The following SNX29 variants were observed in gnomAD, a reference collection of about 807,000 sequenced individuals.
SNX29 encodes sorting nexin 29.
Under a neutral mutation model 102.1 loss-of-function variants are expected in SNX29, and 78 were observed. The observed-to-expected ratio is 0.76, with a 90% CI of 0.64 to 0.92. The LOEUF is 0.92. Among genes scored for constraint, SNX29 ranks in the 40% least tolerant of loss-of-function variants. The probability of loss-of-function intolerance (pLI) is 0.00; values close to 1 mark genes in which losing one functional copy is unlikely to be tolerated. For synonymous variants in SNX29, 580 were observed against 414.5 expected, an observed-to-expected ratio of 1.40 and a Z score of -4.85; for missense variants, 1,280 against 1,061.7, an observed-to-expected ratio of 1.21 and a Z score of -2.86.
intron 19 of SNX29, among the ~76,000 whole-genome samples, chr16:12,517,325 C>G (rs1011284189): frequency 3.9e-5 from 6 of 152,200 alleles, no homozygotes; most frequent in African/African-American, 1.4e-4. Context: ...CTCAGGGGGT[C>G]AGGGCCCTTC....
intron 1 of SNX29, among the ~76,000 whole-genome samples, chr16:11,986,361 T>C (rs1378122404): frequency 7.6e-6 from 1 of 132,130 alleles, no homozygotes; most frequent in Non-Finnish European, 1.6e-5. Context: ...ATCTGCTCTT[T>C]CCTCCTACAA....
intron 15 of SNX29, among the ~76,000 whole-genome samples, chr16:12,296,399 A>G (rs1025372796): frequency 1.3e-5 from 2 of 152,106 alleles, no homozygotes; most frequent in Admixed American, 6.5e-5. Context: ...ATTTCCTACA[A>G]TTTTTTTGAC....
intron 14 of SNX29, among the ~76,000 whole-genome samples, chr16:12,271,359 G>C (rs910198332): frequency 6.6e-6 from 1 of 152,182 alleles, no homozygotes; most frequent in Non-Finnish European, 1.5e-5. Flanking sequence ...CTTGCCATGA[G>C]GTTCTCTCCG....
intron 11 of SNX29, among the ~76,000 whole-genome samples, chr16:12,091,029 A>G (rs1382772899): frequency 7.4e-6 from 1 of 135,226 alleles, no homozygotes; most frequent in Non-Finnish European, 1.6e-5. Flanking sequence ...AAAAAAAAAA[A>G]AAAAAAAAAG....
chr16:12,460,591 C>T (rs1208441004), intron 18 of SNX29, among the ~76,000 whole-genome samples: 1 of 152,072 alleles, frequency 6.6e-6, no homozygotes, highest in Non-Finnish European at 1.5e-5. Flanking sequence ...CATCCCTATG[C>T]CATAACACTT....
chr16:12,449,848 G>A (rs1425192255), intron 18 of SNX29, among the ~76,000 whole-genome samples: 2 of 152,184 alleles, frequency 1.3e-5, no homozygotes, highest in Non-Finnish European at 2.9e-5. Flanking sequence ...GACAACAGCT[G>A]TACATTTGAC....
intron 17 of SNX29, among the ~76,000 whole-genome samples, chr16:12,400,800 G>T (rs900019336): frequency 6.6e-6 from 1 of 151,970 alleles, no homozygotes; most frequent in Non-Finnish European, 1.5e-5. Context: ...AATAAGACTT[G>T]ACTTCAGTAC....
chr16:12,078,922 A>C lies in SNX29; in HGVS notation c.1402+7A>C. ...CCAGAGTCCATGACAATTAGTAAGT[A>C]CTTTCGCAGCCCCCTCCACCAGCTC... On this transcript the variant is annotated splice_region_variant and intron_variant, in intron 11 of 20. Transcript: ENST00000566228. The C allele has an allele frequency of 6.3e-7, 1 of 1,592,750 alleles. No homozygotes were observed. The highest frequency in any genetic ancestry group is 8.6e-7 in the Non-Finnish European group (1 of 1,169,508).
At position 12,048,375 on chromosome 16, in the gene SNX29, T is replaced by C; in HGVS notation, c.503T>C (p.Leu168Pro). The stretch of plus-strand genomic sequence containing the variant: ...ACTTTTCCCTTTTTTTGGGCAGGTC[T>C]GAACTCCATACTCTTTGCGATTAAC... The part of the protein sequence containing the change: ...SSMLPTMAAG[L>P]NSILFAINID... Residue 168 changes from leucine to proline, a missense_variant, in exon 7 of 21, where the codon CTG becomes CCG. By Grantham distance (98) the Leu-to-Pro change is moderately conservative. Transcript: ENST00000566228. 6.2e-7 allele frequency: 1 copy of C among 1,613,944 alleles called. No individual in the cohort carries two copies. The highest frequency in any genetic ancestry group is 8.5e-7 in the Non-Finnish European group (1 of 1,179,852).
intron 19 of SNX29, among the ~76,000 whole-genome samples, chr16:12,491,396 G>T (rs2088538099): frequency 6.6e-6 from 1 of 152,134 alleles, no homozygotes; most frequent in Admixed American, 6.5e-5. Context: ...TCATGGGTGA[G>T]AATTCCCATT....
rs374852631 is a variant in SNX29, at chr16:12,115,676, A to G, written c.1403-10957A>G. 1.1e-4 allele frequency among the ~76,000 whole-genome samples: 16 copies of G among 152,306 alleles called. No individual in the cohort carries two copies. In the South Asian group the frequency reaches 1.2e-3, roughly 12 times the overall value. ...CAGTGAAGAATGGGTAGGCTCCACT[A>G]TGCACGGTTTCACATTTATCTGGAG... On this transcript the variant is annotated intron_variant, in intron 11 of 20. Coordinates refer to ENST00000566228, the MANE Select transcript of SNX29 (RefSeq NM_032167.5).
chr16:12,488,505 C>G (rs543154105), intron 19 of SNX29, among the ~76,000 whole-genome samples: 49 of 152,182 alleles, frequency 3.2e-4, no homozygotes, highest in Non-Finnish European at 5.7e-4. Flanking sequence ...TTACTTGAGT[C>G]TTTGCCTTCT....
chr16:12,087,541 G>A (rs2052265763), intron 11 of SNX29: 5 of 298,968 alleles, frequency 1.7e-5, no homozygotes, highest in African/African-American at 8.6e-5. Context: ...AGGCTGCATT[G>A]AGCAGTGATC....
At chr16:12,321,965 G>C (rs79971478) in intron 15 of SNX29, among the ~76,000 whole-genome samples, 95 of 152,274 alleles carry the variant, frequency 6.2e-4, no homozygotes, top group African/African-American at 2.2e-3. Flanking sequence ...AAACATCAAA[G>C]CACCTGTCGT....
intron 15 of SNX29, among the ~76,000 whole-genome samples, chr16:12,302,313 A>T (rs912116129): frequency 1.5e-4 from 23 of 152,252 alleles, no homozygotes; most frequent in Non-Finnish European, 3.4e-4. Context: ...TACAGCAGGC[A>T]CACTTCTATG....
chr16:12,016,561 C>T (rs973442617), intron 3 of SNX29, among the ~76,000 whole-genome samples: 14 of 152,150 alleles, frequency 9.2e-5, no homozygotes, highest in Non-Finnish European at 2.1e-4. Flanking sequence ...TCCAGTTTCT[C>T]TGTGTCCTTG....
chr16:11,993,523 G>T (rs1349516991), intron 1 of SNX29, among the ~76,000 whole-genome samples: 1 of 152,262 alleles, frequency 6.6e-6, no homozygotes, highest in African/African-American at 2.4e-5. Flanking sequence ...TTTATTAAAT[G>T]CTTGGTATAT....
intron 3 of SNX29, among the ~76,000 whole-genome samples, chr16:12,015,598 C>T (rs1339039759): frequency 2.0e-5 from 3 of 149,736 alleles, no homozygotes; most frequent in Admixed American, 1.3e-4. Context: ...TGCAGTGATG[C>T]GATCTTGGCT....
At chr16:12,436,913 A>G (rs1262734583) in intron 18 of SNX29, among the ~76,000 whole-genome samples, 1 of 152,106 alleles carries the variant, frequency 6.6e-6, no homozygotes, top group Non-Finnish European at 1.5e-5. Flanking sequence ...TCGGCCTCCC[A>G]AAGTGCTGGG....
Sources: allele counts gnomAD v4.1 joint callset (sites outside exome capture counted in the v4.1 genomes callset), GRCh38; gene constraint gnomAD v4.1.1; transcripts MANE v1.5; gene names NCBI Gene and HGNC (gene_info 2026-07-23, HGNC 2026-07-21).